The following NRCAM variants were observed in gnomAD, a reference collection of about 807,000 sequenced individuals.
NRCAM encodes the protein neuronal cell adhesion molecule.
In NRCAM, 83 loss-of-function variants were observed where a neutral mutation model predicts 156.5. The ratio of observed to expected loss-of-function variants is 0.53; its 90% confidence interval spans 0.44 to 0.64. The LOEUF is 0.64. NRCAM is among the 30% of genes least tolerant of loss of function. The pLI is 0.00. For synonymous variants in NRCAM, 538 were observed against 563.9 expected, an observed-to-expected ratio of 0.95 and a Z score of 0.65; for missense variants, 1,417 against 1,597.3, an observed-to-expected ratio of 0.89 and a Z score of 1.92.
chr7:108,303,618 C>T (rs957947850), intron 3 of NRCAM, among the ~76,000 whole-genome samples: 2 of 152,070 alleles, frequency 1.3e-5, no homozygotes, highest in Non-Finnish European at 2.9e-5. Flanking sequence ...CCTCTCCAAC[C>T]TGTCTTCACA....
At chr7:108,329,393 C>T (rs1275086494) in intron 2 of NRCAM, among the ~76,000 whole-genome samples, 1 of 152,100 alleles carries the variant, frequency 6.6e-6, no homozygotes, top group African/African-American at 2.4e-5. Flanking sequence ...TTGTTGAGGC[C>T]GCCACAAATC....
chr7:108,449,970 C>T (rs1848488904), intron 1 of NRCAM, among the ~76,000 whole-genome samples: 1 of 150,902 alleles, frequency 6.6e-6, no homozygotes, highest in African/African-American at 2.4e-5. Context: ...AAAATTTAAA[C>T]ATATATATAT....
chr7:108,341,702 T>C (rs967248520), intron 2 of NRCAM, among the ~76,000 whole-genome samples: 2 of 152,112 alleles, frequency 1.3e-5, no homozygotes, highest in Admixed American at 6.5e-5. Context: ...CCCCTTTCCC[T>C]ACCAAAGGCA....
chr7:108,256,626 C>T (rs2153968927), intron 3 of NRCAM, among the ~76,000 whole-genome samples: 1 of 152,202 alleles, frequency 6.6e-6, no homozygotes, highest in East Asian at 1.9e-4. Context: ...TCAATAAATA[C>T]TAAAAACAAA....
At chr7:108,165,756 T>C (rs1306991724) in intron 30 of NRCAM, among the ~76,000 whole-genome samples, 1 of 152,270 alleles carries the variant, frequency 6.6e-6, no homozygotes, top group East Asian at 1.9e-4. Context: ...ACTTATGATT[T>C]ATATTTTTCT....
At chr7:108,266,785 TC>T (rs1471232943) in intron 3 of NRCAM, among the ~76,000 whole-genome samples, 1 of 152,136 alleles carries the variant, frequency 6.6e-6, no homozygotes, top group African/African-American at 2.4e-5. Flanking sequence ...GGCTATGTTA[TC>T]CCTAAGCCCA....
rs148490775 is a variant in NRCAM at position 108,448,710 on chromosome 7, A to G, written c.-332+7533T>C. Reference sequence around the variant, plus strand: ...TGTTTTCAATCAGATGCTGCCTACCAAAATGAATGGAAAACCATGTGCCAT... The same window carrying G: ...TGTTTTCAATCAGATGCTGCCTACCGAAATGAATGGAAAACCATGTGCCAT... On this transcript the variant is annotated intron_variant, in intron 1 of 32. Coordinates refer to ENST00000379028, the MANE Select transcript of NRCAM (RefSeq NM_001037132.4). Among the ~76,000 whole-genome samples the G allele has an allele frequency of 7.1e-3, 1,086 of 152,332 alleles. 3 individuals carry two copies. The highest frequency in any genetic ancestry group is 0.012 in the Non-Finnish European group (787 of 68,028).
chr7:108,152,128 T>A (rs2042019328), intron 32 of NRCAM, among the ~76,000 whole-genome samples: 1 of 152,118 alleles, frequency 6.6e-6, no homozygotes, highest in Admixed American at 6.6e-5. Flanking sequence ...ATAAAAAAAA[T>A]TACATATATA....
chr7:108,194,532 A>T, intron 15 of NRCAM, 104 bp from the exon 16 acceptor site: 2 of 752,486 alleles, frequency 2.7e-6, no homozygotes, highest in Non-Finnish European at 2.1e-6. Flanking sequence ...TGAATGTGAA[A>T]GTTGCAAGGC....
intron 32 of NRCAM, 36 bp downstream of exon 32, chr7:108,159,427 G>A: frequency 1.3e-6 from 2 of 1,541,236 alleles, no homozygotes; most frequent in Non-Finnish European, 1.8e-6. Flanking sequence ...GTTCATGTGG[G>A]CAGAGAAGAT....
intron 3 of NRCAM, among the ~76,000 whole-genome samples, chr7:108,305,093 G>T (rs570377818): frequency 6.6e-6 from 1 of 152,180 alleles, no homozygotes; most frequent in African/African-American, 2.4e-5. Context: ...AAAATTTAGG[G>T]TATGTTTTCC....
chr7:108,441,582 C>A (rs1221282746), intron 1 of NRCAM, among the ~76,000 whole-genome samples: 2 of 152,216 alleles, frequency 1.3e-5, no homozygotes, highest in Non-Finnish European at 2.9e-5. Context: ...AGTAGGATGA[C>A]ACAGTAATGT....
At chr7:108,431,150 A>C (rs1454421069) in intron 1 of NRCAM, among the ~76,000 whole-genome samples, 2 of 152,230 alleles carry the variant, frequency 1.3e-5, no homozygotes, top group Admixed American at 1.3e-4. Flanking sequence ...AAAGGGCAGC[A>C]TTGTTTATGT....
intron 1 of NRCAM, among the ~76,000 whole-genome samples, chr7:108,455,469 G>C (rs189683007): frequency 0.016 from 2,394 of 152,216 alleles, 56 homozygotes; most frequent in African/African-American, 0.054. Flanking sequence ...CCCCCAGCCC[G>C]GTGCGCCGGC....
chr7:108,300,878 GT>G (rs1284650566), intron 3 of NRCAM, among the ~76,000 whole-genome samples: 9 of 151,454 alleles, frequency 5.9e-5, no homozygotes, highest in Non-Finnish European at 1.0e-4. Flanking sequence ...AAAAAATTAC[GT>G]TTTTTTAAAG....
chr7:108,424,719 A>G (rs2154443422), intron 1 of NRCAM, among the ~76,000 whole-genome samples: 1 of 152,254 alleles, frequency 6.6e-6, no homozygotes, highest in Middle Eastern at 3.4e-3. Flanking sequence ...ATCAGGGGGG[A>G]AAGAATGTAC....
At chr7:108,177,615 T>C (rs1490315481) in intron 26 of NRCAM, among the ~76,000 whole-genome samples, 1 of 136,174 alleles carries the variant, frequency 7.3e-6, no homozygotes, top group African/African-American at 2.8e-5. Context: ...AGAGCGAGAC[T>C]CCATCTCAAA....
At chr7:108,196,008 A>C (rs1388559599) in intron 14 of NRCAM, 136 bp from the exon 15 acceptor site, 4 of 650,280 alleles carry the variant, frequency 6.2e-6, no homozygotes, top group Non-Finnish European at 1.1e-5. Context: ...TATGTTCTCT[A>C]TCAGGCATAA....
chr7:108,253,858 G>A (rs1041340656), intron 3 of NRCAM, among the ~76,000 whole-genome samples: 7 of 152,150 alleles, frequency 4.6e-5, no homozygotes, highest in Non-Finnish European at 8.8e-5. Flanking sequence ...CAGCAGCAGG[G>A]ATGACAGAAG....
Sources: allele counts gnomAD v4.1 joint callset (sites outside exome capture counted in the v4.1 genomes callset), GRCh38; gene constraint gnomAD v4.1.1; transcripts MANE v1.5; gene names NCBI Gene and HGNC (gene_info 2026-07-23, HGNC 2026-07-21).